Variants in PAQR3 observed in about 807,000 individuals in gnomAD.
PAQR3 encodes Raf kinase trapping to Golgi.
Under a neutral mutation model 41.7 loss-of-function variants are expected in PAQR3, and 39 were observed. The ratio of observed to expected loss-of-function variants is 0.93; its 90% CI spans 0.72 to 1.22. The LOEUF is 1.22. PAQR3 is among the 50% of genes most tolerant of loss of function. PAQR3 has a pLI of 0.00. For missense variants in PAQR3, 366 were observed against 385.6 expected (o/e 0.95, Z 0.42); for synonymous variants, 140 against 140.6 (o/e 1.00, Z 0.03).
Position 78,919,911 on chromosome 4 carries a change from C to T in PAQR3, c.*628G>A. On this transcript the variant is annotated 3_prime_UTR_variant, in exon 6 of 6. Coordinates refer to ENST00000512733, the MANE Select transcript of PAQR3 (RefSeq NM_001040202.2). ...TGAGAAGTTCTTTTCCTCTTCTCAA[C>T]CCTTCTCTCAACTTACTGCAGAAGT... 3 of 985,334 alleles carry T rather than the reference C, an allele frequency of 3.0e-6. No individual in the cohort carries two copies. The highest frequency in any genetic ancestry group is 3.6e-6 in the Non-Finnish European group (3 of 829,590). 61.0% of individuals were successfully genotyped at this position (985,334 alleles called of 1,614,324 possible). A position where few individuals can be genotyped will look rare whatever the true frequency, so the allele number is the denominator to read the frequency against.
In PAQR3 at chr4:78,919,534, G is replaced by C; in HGVS notation, c.*1005C>G. 1.0e-6 allele frequency: 1 copy of C among 985,140 alleles called. No homozygotes were observed. Among genetic ancestry groups the C allele is most frequent in the South Asian group, 4.7e-5 (1 of 21,282 alleles). 61.0% of individuals were successfully genotyped at this position (985,140 alleles called of 1,614,324 possible). On this transcript the variant is annotated 3_prime_UTR_variant, in exon 6 of 6. Coordinates refer to ENST00000512733, the MANE Select transcript of PAQR3 (RefSeq NM_001040202.2). Reference sequence around the variant, plus strand: ...GCAGAAACCGAGGACCAGAGCACAGGTGAATAAGATTATTATCAAATGGGG... The same window carrying C: ...GCAGAAACCGAGGACCAGAGCACAGCTGAATAAGATTATTATCAAATGGGG...
chr4:78,910,890 T>A (rs1734554915), downstream of PAQR3: 3 of 1,613,828 alleles, frequency 1.9e-6, no homozygotes, highest in Non-Finnish European at 2.5e-6. Context: ...AACCAGAAAA[T>A]CTGGGTCATA....
chr4:78,913,477 G>A lies in PAQR3; in HGVS notation c.*7062C>T, dbSNP rs2110114931. The A allele has an allele frequency of 6.6e-6, 1 of 152,256 alleles. No individual in the cohort carries two copies. The highest frequency in any genetic ancestry group is 1.9e-4 in the East Asian group (1 of 5,196). 9.4% of individuals were successfully genotyped at this position (152,256 alleles called of 1,614,324 possible). A position where few individuals can be genotyped will look rare whatever the true frequency, so the allele number is the denominator to read the frequency against. On this transcript the variant is annotated 3_prime_UTR_variant, in exon 6 of 6. Coordinates refer to ENST00000512733, the MANE Select transcript of PAQR3 (RefSeq NM_001040202.2). ...GACTATTTTAAGATATAATTGTGCT[G>A]CGCTATCAGATTAACATTTGGAAGT...
Position 78,923,922 on chromosome 4 carries a change from A to G in PAQR3, c.728T>C (p.Met243Thr). 2 of 1,613,372 alleles carry G rather than the reference A, an allele frequency of 1.2e-6. No homozygotes were observed. Among genetic ancestry groups the G allele is most frequent in the Non-Finnish European group, 1.7e-6 (2 of 1,179,434 alleles). The part of the protein sequence containing the change: ...VQDFAPRVIV[M>T]YMIALLAFLF... Reference sequence around the variant, plus strand: ...GAAAGCAAGAAGAGCAATCATATACATCACAATTACACGGGGTGCAAAGTC... The same window carrying G: ...GAAAGCAAGAAGAGCAATCATATACGTCACAATTACACGGGGTGCAAAGTC... The change falls in exon 5 of 6, where the codon ATG becomes ACG. Residue 243 changes from methionine to threonine, a missense_variant. Met to Thr is a moderately conservative substitution (Grantham distance 81). Transcript: ENST00000512733.
At chr4:78,906,128 A>G (rs1734271654) in exon 11 of PAQR3, 1 of 152,142 alleles carries the variant, frequency 6.6e-6, no homozygotes, top group Non-Finnish European at 1.5e-5. Context: ...GGTAACTTGC[A>G]GCCTGGAACC....
chr4:78,902,710 A>T (rs1468438457), intron 11 of PAQR3, among the ~76,000 whole-genome samples: 2 of 152,168 alleles, frequency 1.3e-5, no homozygotes, highest in Non-Finnish European at 2.9e-5. Flanking sequence ...TTAAAAATGT[A>T]CCACCTGTTT....
In PAQR3 at chr4:78,912,709, A is replaced by G. The variant is rs1370290612; in HGVS notation, c.*7830T>C. ...TCAATTTAACTATTCCACAACTTACATATTCCAAAACAATGTTATACATGA... is the reference window on the plus strand; with the variant it reads ...TCAATTTAACTATTCCACAACTTACGTATTCCAAAACAATGTTATACATGA... On this transcript the variant is annotated 3_prime_UTR_variant, in exon 6 of 6. Coordinates refer to ENST00000512733, the MANE Select transcript of PAQR3 (RefSeq NM_001040202.2). The G allele has an allele frequency of 6.6e-6, 1 of 152,232 alleles. No homozygotes were observed. The highest frequency in any genetic ancestry group is 6.5e-5 in the Admixed American group (1 of 15,282). The allele number at this position is 152,232 out of a possible 1,614,324, so 9.4% of individuals were successfully genotyped here. A position where few individuals can be genotyped will look rare whatever the true frequency, so the allele number is the denominator to read the frequency against.
chr4:78,906,388 A>G (rs1016226543), intron 10 of PAQR3, among the ~76,000 whole-genome samples: 3 of 152,152 alleles, frequency 2.0e-5, no homozygotes, highest in Admixed American at 1.3e-4. Flanking sequence ...AAACCAGTCT[A>G]TCTACACCAA....
At chr4:78,888,176 T>C (rs539740714) in intron 11 of PAQR3, 1 of 152,354 alleles carries the variant, frequency 6.6e-6, no homozygotes, top group East Asian at 1.9e-4. Flanking sequence ...GTTTTTTCAT[T>C]GCTTTCATAC....
In PAQR3 at chr4:78,918,520, C is replaced by T; in HGVS notation, c.*2019G>A. On this transcript the variant is annotated 3_prime_UTR_variant, in exon 6 of 6. Transcript: ENST00000512733. ...ACTTTCTTACAATATTTAACATTTT[C>T]ATACAGAGTTGAAATGTTTACATGG... The T allele has an allele frequency of 1.0e-6, 1 of 967,542 alleles. No individual in the cohort carries two copies. Among genetic ancestry groups the T allele is most frequent in the Non-Finnish European group, 1.2e-6 (1 of 813,462 alleles). 59.9% of individuals were successfully genotyped at this position (967,542 alleles called of 1,614,324 possible).
intron 2 of PAQR3, chr4:78,933,289 A>C (rs1033104659): frequency 2.2e-6 from 1 of 456,202 alleles, no homozygotes; most frequent in Non-Finnish European, 4.4e-6. Context: ...AAATGGATCA[A>C]ATCAAGGCAT....
chr4:78,900,388 T>C (rs1733934963), intron 11 of PAQR3, among the ~76,000 whole-genome samples: 1 of 152,146 alleles, frequency 6.6e-6, no homozygotes, highest in Non-Finnish European at 1.5e-5. Flanking sequence ...AATCCCCTCA[T>C]TGTTCAAGGC....
In PAQR3 at chr4:78,926,382, C is replaced by A. The variant is rs7664587; in HGVS notation, c.702+139G>T. The stretch of plus-strand genomic sequence containing the variant: ...CTTATTTATATGGCTGTGAAAATTA[C>A]GGCATCAACATGCAATTACAAATAT... On this transcript the variant is annotated intron_variant, in intron 4 of 5. Coordinates refer to ENST00000512733, the MANE Select transcript of PAQR3 (RefSeq NM_001040202.2). 5 of 676,080 alleles carry A rather than the reference C, an allele frequency of 7.4e-6. No homozygotes were observed. In the East Asian group the frequency reaches 8.2e-5, roughly 11 times the overall value. 41.9% of individuals were successfully genotyped at this position (676,080 alleles called of 1,614,324 possible). A position where few individuals can be genotyped will look rare whatever the true frequency, so the allele number is the denominator to read the frequency against.
Position 78,918,225 on chromosome 4 carries a change from A to G in PAQR3, c.*2314T>C. 4 of 830,646 alleles carry G rather than the reference A, an allele frequency of 4.8e-6. No homozygotes were observed. Among genetic ancestry groups the G allele is most frequent in the Non-Finnish European group, 5.5e-6 (4 of 727,368 alleles). 51.5% of individuals were successfully genotyped at this position (830,646 alleles called of 1,614,324 possible). A position where few individuals can be genotyped will look rare whatever the true frequency, so the allele number is the denominator to read the frequency against. Reference sequence around the variant, plus strand: ...CAGTCTTTTTTAGTAATAAAACTGGATAGTATATTTTAATCTTACTTTAAT... The same window carrying G: ...CAGTCTTTTTTAGTAATAAAACTGGGTAGTATATTTTAATCTTACTTTAAT... On this transcript the variant is annotated 3_prime_UTR_variant, in exon 6 of 6. Transcript: ENST00000512733.
chr4:78,891,427 T>C (rs1473508518), intron 11 of PAQR3, among the ~76,000 whole-genome samples: 15 of 152,200 alleles, frequency 9.9e-5, no homozygotes, highest in African/African-American at 1.2e-4. Context: ...TGGAAACTTG[T>C]ATTTTCTTGC....
chr4:78,931,549 G>T (rs1215983258), intron 2 of PAQR3, among the ~76,000 whole-genome samples: 1 of 152,186 alleles, frequency 6.6e-6, no homozygotes, highest in Admixed American at 6.5e-5. Context: ...AGTACCTGCT[G>T]TATGTCATAC....
chr4:78,891,829 A>G (rs1396327644), intron 11 of PAQR3, among the ~76,000 whole-genome samples: 1 of 152,164 alleles, frequency 6.6e-6, no homozygotes, highest in Non-Finnish European at 1.5e-5. Context: ...AAGTTTGCTT[A>G]TTAGATACAG....
At chr4:78,933,257 C>G in intron 2 of PAQR3, 2 of 456,214 alleles carry the variant, frequency 4.4e-6, no homozygotes, top group Non-Finnish European at 8.8e-6. Context: ...ACACATTCAA[C>G]AAATATTTGT....
At chr4:78,897,929 A>G (rs1733788678) in intron 11 of PAQR3, among the ~76,000 whole-genome samples, 1 of 152,256 alleles carries the variant, frequency 6.6e-6, no homozygotes, top group African/African-American at 2.4e-5. Context: ...TAAGATGCAA[A>G]TGCTACAATA....
Sources: allele counts gnomAD v4.1 joint callset (sites outside exome capture counted in the v4.1 genomes callset), GRCh38; gene constraint gnomAD v4.1.1; transcripts MANE v1.5; gene names NCBI Gene and HGNC (gene_info 2026-07-23, HGNC 2026-07-21).